AOPEP: variants seen among roughly 807,000 people sequenced by gnomAD.
AOPEP encodes aminopeptidase O.
AOPEP carries 77 observed loss-of-function variants against 98.1 expected under a neutral mutation model. The observed-to-expected ratio is 0.78, with a 90% CI of 0.65 to 0.95. AOPEP has a LOEUF of 0.95. Ranked by LOEUF, AOPEP falls within the 40% of genes least tolerant of loss-of-function variation. The probability of loss-of-function intolerance (pLI) is 0.00; values close to 1 mark genes in which losing one functional copy is unlikely to be tolerated. For synonymous variants in AOPEP, 346 were observed against 365.3 expected (o/e 0.95, Z 0.60); for missense variants, 1,024 against 1,024.7 (o/e 1.00, Z 0.01).
chr9:95,024,688 T>C (rs932910097), intron 13 of AOPEP, among the ~76,000 whole-genome samples: 3 of 152,218 alleles, frequency 2.0e-5, no homozygotes, highest in African/African-American at 7.2e-5. Flanking sequence ...AGAATAATTT[T>C]ATTGCTTTCT....
chr9:94,861,711 C>A (rs1400292122), intron 5 of AOPEP, among the ~76,000 whole-genome samples: 4 of 152,184 alleles, frequency 2.6e-5, no homozygotes, highest in Non-Finnish European at 5.9e-5. Context: ...TGTTCCCAAC[C>A]CCCGATATAA....
intron 6 of AOPEP, among the ~76,000 whole-genome samples, chr9:94,925,211 G>C (rs1031995711): frequency 5.3e-5 from 8 of 152,144 alleles, no homozygotes; most frequent in Non-Finnish European, 1.2e-4. Flanking sequence ...GTCTGGTCTC[G>C]AACTCCTGAC....
intron 9 of AOPEP, among the ~76,000 whole-genome samples, chr9:94,963,097 A>G (rs1418602399): frequency 1.3e-5 from 2 of 152,084 alleles, no homozygotes; most frequent in Non-Finnish European, 2.9e-5. Flanking sequence ...GTGTAACAAT[A>G]ACTTCTTCCT....
At chr9:94,959,290 A>G (rs181854787) in intron 9 of AOPEP, among the ~76,000 whole-genome samples, 3 of 151,966 alleles carry the variant, frequency 2.0e-5, no homozygotes, top group Admixed American at 6.6e-5. Context: ...TGATCCACCC[A>G]CCTCAGCCTC....
At chr9:94,812,116 C>T (rs1850741302) in intron 5 of AOPEP, among the ~76,000 whole-genome samples, 1 of 152,132 alleles carries the variant, frequency 6.6e-6, no homozygotes, top group Non-Finnish European at 1.5e-5. Flanking sequence ...TACTATGTTT[C>T]TAAAGGTAGA....
At chr9:94,995,742 C>T (rs2061180392) in intron 11 of AOPEP, among the ~76,000 whole-genome samples, 3 of 152,148 alleles carry the variant, frequency 2.0e-5, no homozygotes, top group Admixed American at 2.0e-4. Flanking sequence ...TAATAAGATT[C>T]TAACATACCT....
chr9:95,111,528 G>T, the AOPEP span: 70 of 1,614,150 alleles, frequency 4.3e-5, 1 homozygote, highest in South Asian at 7.6e-4. Context: ...AGCCACAGCA[G>T]GGCCGTGGGG....
chr9:94,984,437 G>A (rs567413935), intron 11 of AOPEP, among the ~76,000 whole-genome samples: 80 of 151,866 alleles, frequency 5.3e-4, no homozygotes, highest in Admixed American at 9.2e-4. Context: ...TTTTCAACTC[G>A]GACTGTTATG....
chr9:95,041,743 A>T (rs1285762204), intron 13 of AOPEP, among the ~76,000 whole-genome samples: 7 of 151,962 alleles, frequency 4.6e-5, no homozygotes, highest in Admixed American at 1.3e-4. Flanking sequence ...GCTTTGTTTC[A>T]TGTTTGTCCT....
chr9:94,930,234 C>T lies in AOPEP; in HGVS notation c.1661+1703C>T, dbSNP rs114499388. On this transcript the variant is annotated intron_variant, in intron 7 of 16. Coordinates refer to ENST00000375315, the MANE Select transcript of AOPEP (RefSeq NM_001193329.3). The surrounding 1 kb of genome is among the most constrained non-coding windows in gnomAD (Gnocchi z 4.5). The stretch of plus-strand genomic sequence containing the variant: ...TTTGAAATGTGTTTTGGCTGTGGAA[C>T]GGGCAGGTCTTTGGTTGATTGAATG... 0.028 allele frequency among the ~76,000 whole-genome samples: 4,243 copies of T among 152,142 alleles called. 213 individuals carry two copies. The highest frequency in any genetic ancestry group is 0.097 in the African/African-American group (4,022 of 41,470).
Position 94,915,707 on chromosome 9 carries a change from G to A in AOPEP, c.1365-8279G>A, listed in dbSNP as rs573011337. 8.5e-5 allele frequency among the ~76,000 whole-genome samples: 13 copies of A among 152,298 alleles called. No individual in the cohort carries two copies. The South Asian group carries it at 2.1e-3, about 24-fold the overall frequency. ...TTGTACAGACCAGCCTTGCTACTTC[G>A]TGTCTGCTTTCACCAGCCCAGCAGG... On this transcript the variant is annotated intron_variant, in intron 5 of 16. Coordinates refer to ENST00000375315, the MANE Select transcript of AOPEP (RefSeq NM_001193329.3).
chr9:95,090,009 T>G (rs373902739), downstream of AOPEP, among the ~76,000 whole-genome samples: 1 of 152,238 alleles, frequency 6.6e-6, no homozygotes, highest in East Asian at 1.9e-4. Flanking sequence ...CAAGGGGCTT[T>G]CTTAGGCTCT....
intron 5 of AOPEP, among the ~76,000 whole-genome samples, chr9:94,848,832 C>T (rs2043177178): frequency 6.6e-6 from 1 of 152,112 alleles, no homozygotes; most frequent in Non-Finnish European, 1.5e-5. Flanking sequence ...CCTTGTCACC[C>T]AGGCTGGAGT....
chr9:94,984,215 A>C (rs2060376017), intron 11 of AOPEP, among the ~76,000 whole-genome samples: 1 of 151,824 alleles, frequency 6.6e-6, no homozygotes, highest in Non-Finnish European at 1.5e-5. Flanking sequence ...TGTATTTTTT[A>C]ATAGAGACGG....
chr9:94,810,677 AATAC>A (rs1850361293), intron 5 of AOPEP, among the ~76,000 whole-genome samples: 1 of 152,074 alleles, frequency 6.6e-6, no homozygotes, highest in African/African-American at 2.4e-5. Flanking sequence ...AGCAATTTAA[AATAC>A]ATGTATATTT....
At chr9:95,000,860 T>G (rs943796697) in intron 11 of AOPEP, among the ~76,000 whole-genome samples, 1 of 152,254 alleles carries the variant, frequency 6.6e-6, no homozygotes, top group African/African-American at 2.4e-5. Flanking sequence ...TGAACGTATG[T>G]TGGCAATAGA....
chr9:94,931,047 A>C (rs574744393), intron 7 of AOPEP, among the ~76,000 whole-genome samples: 43 of 152,244 alleles, frequency 2.8e-4, no homozygotes, highest in African/African-American at 1.0e-3. Context: ...GTTTTGCATA[A>C]CCATAGTCCT....
At chr9:94,919,173 C>T (rs940599413) in intron 5 of AOPEP, among the ~76,000 whole-genome samples, 5 of 152,066 alleles carry the variant, frequency 3.3e-5, no homozygotes, top group Non-Finnish European at 7.4e-5. Context: ...CTCAGCCTCC[C>T]AAAGTTTTTC....
intron 5 of AOPEP, among the ~76,000 whole-genome samples, chr9:94,809,529 A>T (rs1588325447): frequency 6.6e-6 from 1 of 152,322 alleles, no homozygotes; most frequent in East Asian, 1.9e-4. Context: ...TCATTCTGTC[A>T]GTGGTGAGTG....
Sources: gnomAD v4.1 joint callset for allele counts (sites outside exome capture counted in the v4.1 genomes callset) on GRCh38, gnomAD v4.1.1 for gene constraint, Gnocchi (gnomAD v3.1) non-coding constraint, MANE v1.5 for transcripts, NCBI Gene and HGNC (gene_info 2026-07-23, HGNC 2026-07-21) for gene names.